The following KIAA1217 variants were observed in gnomAD, a reference collection of about 807,000 sequenced individuals.
KIAA1217 encodes the protein sickle tail protein homolog.
In KIAA1217, 88 loss-of-function variants were observed where a neutral mutation model predicts 163.9. The observed-to-expected ratio is 0.54, with a 90% CI of 0.45 to 0.64. The LOEUF (loss-of-function observed/expected upper bound fraction) is 0.64, where lower values mean the gene tolerates loss of function less well. Ranked by LOEUF, KIAA1217 falls within the 30% of genes least tolerant of loss-of-function variation. KIAA1217 has a pLI of 0.00. For missense variants in KIAA1217, 2,372 were observed against 2,475.0 expected (o/e 0.96, Z 0.88); for synonymous variants, 903 against 923.1 (o/e 0.98, Z 0.39).
intron 1 of KIAA1217, among the ~76,000 whole-genome samples, chr10:23,912,839 A>G (rs1278189554): frequency 6.6e-6 from 1 of 152,188 alleles, no homozygotes; most frequent in Non-Finnish European, 1.5e-5. Context: ...GAGTGGGAGG[A>G]AACGGAGAGC....
chr10:23,998,816 A>G (rs1300729072), intron 1 of KIAA1217, among the ~76,000 whole-genome samples: 6 of 152,202 alleles, frequency 3.9e-5, no homozygotes, highest in Non-Finnish European at 5.9e-5. Context: ...AAACACAAGC[A>G]TGGTTCGTAT....
intron 1 of KIAA1217, among the ~76,000 whole-genome samples, chr10:23,917,908 G>A (rs76355047): frequency 0.019 from 2,870 of 152,292 alleles, 56 homozygotes; most frequent in Admixed American, 0.058. Context: ...GATGTATTAT[G>A]TATGTTCGTA....
chr10:24,286,281 C>T (rs1203160212), intron 2 of KIAA1217, among the ~76,000 whole-genome samples: 1 of 151,980 alleles, frequency 6.6e-6, no homozygotes, highest in Non-Finnish European at 1.5e-5. Flanking sequence ...TTATTTTTCA[C>T]ACCCAAATTT....
chr10:24,139,359 T>C (rs1302578097), intron 2 of KIAA1217, among the ~76,000 whole-genome samples: 1 of 152,326 alleles, frequency 6.6e-6, no homozygotes, highest in East Asian at 1.9e-4. Flanking sequence ...GGTACTTTTT[T>C]TGAGTATATA....
chr10:24,000,391 A>G (rs890382205), intron 1 of KIAA1217, among the ~76,000 whole-genome samples: 2 of 152,154 alleles, frequency 1.3e-5, no homozygotes, highest in African/African-American at 2.4e-5. Flanking sequence ...TTTGCTCGGC[A>G]CTTCTCCTTG....
chr10:24,430,510 A>C (rs1225875450), intron 3 of KIAA1217, among the ~76,000 whole-genome samples: 1 of 152,256 alleles, frequency 6.6e-6, no homozygotes, highest in Non-Finnish European at 1.5e-5. Context: ...TACATTTAGC[A>C]TGCACTTTAT....
At chr10:24,179,494 C>T (rs1462035144) in intron 2 of KIAA1217, among the ~76,000 whole-genome samples, 5 of 152,168 alleles carry the variant, frequency 3.3e-5, no homozygotes, top group Non-Finnish European at 7.3e-5. Flanking sequence ...TTTCCTGAGG[C>T]CTCCCCAGCC....
At chr10:24,030,251 CA>C (rs1564621616) in intron 2 of KIAA1217, among the ~76,000 whole-genome samples, 1 of 151,960 alleles carries the variant, frequency 6.6e-6, no homozygotes, top group Non-Finnish European at 1.5e-5. Flanking sequence ...TGTCCTCGCC[CA>C]AATCTCATCT....
intron 2 of KIAA1217, among the ~76,000 whole-genome samples, chr10:24,173,470 G>A (rs1362843050): frequency 5.9e-5 from 9 of 152,188 alleles, no homozygotes; most frequent in African/African-American, 2.2e-4. Context: ...CCTCGTCTGT[G>A]TAAAAATTGT....
intron 1 of KIAA1217, among the ~76,000 whole-genome samples, chr10:23,947,082 C>T (rs542430586): frequency 2.4e-4 from 36 of 152,278 alleles, no homozygotes; most frequent in East Asian, 1.4e-3. Flanking sequence ...TTTGCTTCCC[C>T]TTCTGCCATG....
At chr10:23,770,262 C>G (rs889631407) in intron 1 of KIAA1217, among the ~76,000 whole-genome samples, 24 of 152,308 alleles carry the variant, frequency 1.6e-4, no homozygotes, top group African/African-American at 5.5e-4. Context: ...GTTACCATGT[C>G]TTCTACACCA....
Position 23,929,356 on chromosome 10 carries a change from C to T in KIAA1217, c.-320-77869C>T, listed in dbSNP as rs193240269. Among the ~76,000 whole-genome samples, 71 of 151,906 alleles carry T rather than the reference C, an allele frequency of 4.7e-4. 1 individual carries two copies. The East Asian group carries it at 0.012, about 26-fold the overall frequency. ...ATTTTAGACTAAGGGGGCACATGTG[C>T]AGGTTTGCTGCATGGAGATATTGTG... On this transcript the variant is annotated intron_variant, in intron 1 of 18. Transcript: ENST00000376462.
chr10:24,140,334 T>C (rs1226578662), intron 2 of KIAA1217, among the ~76,000 whole-genome samples: 1 of 145,178 alleles, frequency 6.9e-6, no homozygotes, highest in Non-Finnish European at 1.5e-5. Context: ...TACTCCAGCC[T>C]GGGCAACAGA....
At chr10:24,366,955 T>A (rs2050872715) in intron 2 of KIAA1217, among the ~76,000 whole-genome samples, 1 of 152,250 alleles carries the variant, frequency 6.6e-6, no homozygotes, top group African/African-American at 2.4e-5. Context: ...AATATAAGGA[T>A]GGAACTGTCA....
At chr10:24,047,818 C>T (rs1236149569) in intron 2 of KIAA1217, among the ~76,000 whole-genome samples, 1 of 152,084 alleles carries the variant, frequency 6.6e-6, no homozygotes, top group East Asian at 1.9e-4. Flanking sequence ...TATTCTGGAC[C>T]CTGCTGATGA....
chr10:23,946,392 G>C (rs888446100), intron 1 of KIAA1217, among the ~76,000 whole-genome samples: 15 of 151,678 alleles, frequency 9.9e-5, no homozygotes, highest in Non-Finnish European at 2.2e-4. Context: ...TCTCATTAGG[G>C]CTTCCTGATT....
chr10:24,115,396 G>C (rs1362889508), intron 2 of KIAA1217, among the ~76,000 whole-genome samples: 1 of 152,184 alleles, frequency 6.6e-6, no homozygotes, highest in Non-Finnish European at 1.5e-5. Flanking sequence ...TTAAAGCAGA[G>C]AGTTCAAGGC....
chr10:24,484,243 T>TA (rs1564772271), intron 6 of KIAA1217, among the ~76,000 whole-genome samples: 891 of 45,528 alleles, frequency 0.02, 7 homozygotes, highest in African/African-American at 0.065. Flanking sequence ...ATATATATAT[T>TA]TTTTTTTTTT....
intron 1 of KIAA1217, among the ~76,000 whole-genome samples, chr10:23,931,451 C>T (rs567874452): frequency 2.0e-4 from 31 of 152,254 alleles, no homozygotes; most frequent in African/African-American, 7.2e-4. Context: ...AAGGCCATCC[C>T]ATCTAACATT....
Sources: allele counts gnomAD v4.1 joint callset (sites outside exome capture counted in the v4.1 genomes callset), GRCh38; gene constraint gnomAD v4.1.1; transcripts MANE v1.5; gene names NCBI Gene and HGNC (gene_info 2026-07-23, HGNC 2026-07-21).